PPP4R4: variants seen among roughly 807,000 people sequenced by gnomAD.
PPP4R4 encodes the protein protein phosphatase 4 regulatory subunit 4, also known as serine/threonine-protein phosphatase 4 regulatory subunit 4.
A neutral mutation model predicts 121.8 loss-of-function variants in PPP4R4; 70 were observed. The observed-to-expected ratio is 0.57, with a 90% CI of 0.47 to 0.70. The LOEUF is 0.70. Ranked by LOEUF, PPP4R4 falls within the 30% of genes least tolerant of loss-of-function variation. The probability of loss-of-function intolerance (pLI) is 0.00; values close to 1 mark genes in which losing one functional copy is unlikely to be tolerated. For missense variants in PPP4R4, 875 were observed against 1,033.6 expected, an observed-to-expected ratio of 0.85 and a Z score of 2.10; for synonymous variants, 348 against 355.7, an observed-to-expected ratio of 0.98 and a Z score of 0.24.
chr14:94,213,592 G>A (rs1257785130), intron 3 of PPP4R4, among the ~76,000 whole-genome samples: 2 of 152,160 alleles, frequency 1.3e-5, no homozygotes, highest in Non-Finnish European at 2.9e-5. Flanking sequence ...TGGTCTAAAT[G>A]CCATCACATG....
At chr14:94,243,713 T>G (rs1595517417) in intron 11 of PPP4R4, among the ~76,000 whole-genome samples, 2 of 152,172 alleles carry the variant, frequency 1.3e-5, no homozygotes, top group Middle Eastern at 6.8e-3. Flanking sequence ...TCTACCACAA[T>G]CATACCATGT....
At chr14:94,219,855 G>GGAGGCT (rs1391639545) in intron 3 of PPP4R4, among the ~76,000 whole-genome samples, 1 of 152,114 alleles carries the variant, frequency 6.6e-6, no homozygotes, top group Non-Finnish European at 1.5e-5. Context: ...CCAGCTATTA[G>GGAGGCT]GAGGCTGAGG....
intron 23 of PPP4R4, among the ~76,000 whole-genome samples, chr14:94,270,938 C>T (rs1219785378): frequency 6.7e-6 from 1 of 148,864 alleles, no homozygotes; most frequent in Non-Finnish European, 1.5e-5. Context: ...ACAACAACAA[C>T]AACAACAAAA....
intron 3 of PPP4R4, among the ~76,000 whole-genome samples, chr14:94,228,710 A>G (rs1013886415): frequency 3.3e-5 from 5 of 152,186 alleles, no homozygotes; most frequent in Non-Finnish European, 7.4e-5. Context: ...CAGAAAGCGT[A>G]GGTGAGAGGG....
chr14:94,232,753 G>A (rs1044593760), intron 5 of PPP4R4, among the ~76,000 whole-genome samples: 3 of 152,016 alleles, frequency 2.0e-5, no homozygotes, highest in Non-Finnish European at 1.5e-5. Context: ...TGAGAAACTG[G>A]AGATTAGAAA....
intron 1 of PPP4R4, 99 bp downstream of exon 1, chr14:94,174,681 CCGGGCCGCCGGGACCCTCTCAGT>C: frequency 6.1e-6 from 9 of 1,484,222 alleles, no homozygotes; most frequent in Non-Finnish European, 8.1e-6. Context: ...CTCCCCTCCT[CCGGGCCGCCGGGACCCTCTCAGT>C]CGGGCCGGCC....
intron 23 of PPP4R4, among the ~76,000 whole-genome samples, chr14:94,271,921 A>G (rs1894355345): frequency 6.6e-6 from 1 of 152,200 alleles, no homozygotes; most frequent in Non-Finnish European, 1.5e-5. Flanking sequence ...TACTATCAGC[A>G]CTCAGAAAAA....
chr14:94,202,803 C>T (rs1890258912), intron 2 of PPP4R4, among the ~76,000 whole-genome samples: 1 of 151,906 alleles, frequency 6.6e-6, no homozygotes, highest in South Asian at 2.1e-4. Flanking sequence ...ATGGTGAAAC[C>T]CTGTCTCTAC....
intron 2 of PPP4R4, among the ~76,000 whole-genome samples, chr14:94,185,928 A>G (rs1177465172): frequency 1.3e-5 from 2 of 152,184 alleles, no homozygotes; most frequent in African/African-American, 4.8e-5. Flanking sequence ...CACAAAAGCC[A>G]CTGGTATCTC....
intron 3 of PPP4R4, among the ~76,000 whole-genome samples, chr14:94,226,033 AT>A (rs1032634275): frequency 6.6e-6 from 1 of 152,172 alleles, no homozygotes; most frequent in African/African-American, 2.4e-5. Flanking sequence ...TAACAAGATT[AT>A]TTCTTTGAAA....
At chr14:94,274,393 A>G (rs1894520151) in intron 23 of PPP4R4, among the ~76,000 whole-genome samples, 1 of 152,182 alleles carries the variant, frequency 6.6e-6, no homozygotes, top group Non-Finnish European at 1.5e-5. Flanking sequence ...TGTACCAGAC[A>G]AAGAATTTGT....
At chr14:94,181,921 C>G (rs1889013305) in intron 2 of PPP4R4, among the ~76,000 whole-genome samples, 1 of 152,192 alleles carries the variant, frequency 6.6e-6, no homozygotes, top group Non-Finnish European at 1.5e-5. Flanking sequence ...TTAGCTGACT[C>G]TTAATTACAA....
chr14:94,185,708 GGAAACATCCCATTTA>G (rs1889238312), intron 2 of PPP4R4, among the ~76,000 whole-genome samples: 1 of 152,022 alleles, frequency 6.6e-6, no homozygotes, highest in Non-Finnish European at 1.5e-5. Flanking sequence ...CATCCCATTT[GGAAACATCCCATTTA>G]GAAACTTCTT....
At position 94,242,311 on chromosome 14, in the gene PPP4R4, C is replaced by T. The variant is rs1892676433; in HGVS notation, c.1169C>T (p.Pro390Leu). The change falls in exon 11 of 25, where the codon CCT becomes CTT. Residue 390 changes from proline (P) to leucine (L), a missense_variant. Transcript: ENST00000304338. ...NFPAMIVFVD[P>L]KNFHMELYST... ...CAGGCCATGATTGTTTTTGTTGATCCTAAAAACTTCCACATGGAACTCTAT... is the reference window on the plus strand; with the variant it reads ...CAGGCCATGATTGTTTTTGTTGATCTTAAAAACTTCCACATGGAACTCTAT... 6.2e-7 allele frequency: 1 copy of T among 1,611,312 alleles called. No homozygotes were observed. Among genetic ancestry groups the T allele is most frequent in the African/African-American group, 1.3e-5 (1 of 74,764 alleles).
intron 2 of PPP4R4, among the ~76,000 whole-genome samples, chr14:94,180,595 C>CTT (rs34648844): frequency 3.1e-4 from 39 of 123,918 alleles, no homozygotes; most frequent in Non-Finnish European, 2.9e-4. Context: ...AAGAGCTTTG[C>CTT]TTTTTTTTTT....
intron 19 of PPP4R4, among the ~76,000 whole-genome samples, chr14:94,263,972 C>T (rs1453884504): frequency 2.0e-5 from 3 of 152,086 alleles, no homozygotes; most frequent in Non-Finnish European, 4.4e-5. Context: ...CAAGTTTGTT[C>T]AGAACTTGCT....
intron 6 of PPP4R4, among the ~76,000 whole-genome samples, chr14:94,234,253 G>A (rs12436825): frequency 0.23 from 35,421 of 152,018 alleles, 4,929 homozygotes; most frequent in East Asian, 0.59. Context: ...AAGCTGAAGA[G>A]TATTTTGGTT....
At chr14:94,208,066 C>T (rs541860887) in intron 2 of PPP4R4, among the ~76,000 whole-genome samples, 2 of 151,816 alleles carry the variant, frequency 1.3e-5, no homozygotes, top group South Asian at 2.1e-4. Flanking sequence ...GTTGCTATGA[C>T]TATTAATGTT....
At chr14:94,244,495 A>C in intron 11 of PPP4R4, 140 bp from the exon 12 acceptor site, 1 of 660,150 alleles carries the variant, frequency 1.5e-6, no homozygotes, top group South Asian at 2.6e-5. Context: ...ATTTTTATAG[A>C]ATCTAATTTT....
Sources: allele counts gnomAD v4.1 joint callset (sites outside exome capture counted in the v4.1 genomes callset), GRCh38; gene constraint gnomAD v4.1.1; transcripts MANE v1.5; gene names NCBI Gene and HGNC (gene_info 2026-07-23, HGNC 2026-07-21).